Variants in UBE3D observed in about 807,000 individuals in gnomAD.
The protein encoded by UBE3D is ubiquitin protein ligase E3D, also known as E3 ubiquitin-protein ligase E3D.
In UBE3D, 48 loss-of-function variants were observed where a neutral mutation model predicts 49.6. The ratio of observed to expected loss-of-function variants is 0.97; its 90% CI spans 0.77 to 1.23. The LOEUF is 1.23. Ranked by LOEUF, UBE3D falls within the 50% of genes most tolerant of loss-of-function variation. The pLI is 0.00. For synonymous variants in UBE3D, 189 were observed against 174.2 expected, an observed-to-expected ratio of 1.08 and a Z score of -0.67; for missense variants, 452 against 468.4, an observed-to-expected ratio of 0.96 and a Z score of 0.32.
At chr6:82,992,216 CTTTTTTTTTT>C (rs386407755) in intron 8 of UBE3D, among the ~76,000 whole-genome samples, 7 of 96,748 alleles carry the variant, frequency 7.2e-5, no homozygotes, top group East Asian at 3.2e-4. Context: ...ATCTGCATTC[CTTTTTTTTTT>C]TTTTTTTTTT....
At chr6:82,894,673 C>T (rs1429187016) in intron 9 of UBE3D, among the ~76,000 whole-genome samples, 1 of 152,124 alleles carries the variant, frequency 6.6e-6, no homozygotes, top group African/African-American at 2.4e-5. Context: ...TCTCAGCTGA[C>T]AAGAGATATT....
At chr6:82,958,145 G>A (rs1003753253) in intron 8 of UBE3D, among the ~76,000 whole-genome samples, 4 of 152,132 alleles carry the variant, frequency 2.6e-5, no homozygotes, top group African/African-American at 4.8e-5. Flanking sequence ...GAGAAGTAAA[G>A]GGATCTGTCT....
At chr6:83,043,501 T>A (rs1307713013) in intron 4 of UBE3D, among the ~76,000 whole-genome samples, 3 of 152,168 alleles carry the variant, frequency 2.0e-5, no homozygotes, top group Non-Finnish European at 4.4e-5. Context: ...CTTAAATAAC[T>A]TTATCTGACA....
chr6:83,015,890 A>C (rs1562187810), intron 8 of UBE3D, among the ~76,000 whole-genome samples: 2 of 152,178 alleles, frequency 1.3e-5, no homozygotes, highest in African/African-American at 2.4e-5. Flanking sequence ...TACTGGGGGT[A>C]GGGAAGCTGT....
At chr6:82,929,924 A>C (rs975451664) in intron 9 of UBE3D, among the ~76,000 whole-genome samples, 13 of 152,116 alleles carry the variant, frequency 8.5e-5, no homozygotes, top group African/African-American at 3.1e-4. Flanking sequence ...AGTTTACATT[A>C]CTGTTCACTC....
chr6:83,026,443 AAAAAT>A (rs1781465830), intron 5 of UBE3D, among the ~76,000 whole-genome samples: 3 of 152,278 alleles, frequency 2.0e-5, no homozygotes, highest in African/African-American at 4.8e-5. Context: ...CCATCTCTTA[AAAAAT>A]AAAATAAAAT....
At chr6:83,031,956 C>T (rs982960696) in intron 5 of UBE3D, among the ~76,000 whole-genome samples, 1 of 152,166 alleles carries the variant, frequency 6.6e-6, no homozygotes, top group East Asian at 1.9e-4. Flanking sequence ...GAACCTCCAC[C>T]AAGATTTCTG....
intron 9 of UBE3D, chr6:82,932,502 G>A (rs1339268602): frequency 1.3e-5 from 2 of 151,860 alleles, no homozygotes; most frequent in Non-Finnish European, 2.9e-5. Flanking sequence ...TAAACTTTAG[G>A]TTAAATTTAA....
intron 8 of UBE3D, among the ~76,000 whole-genome samples, chr6:82,980,941 T>C (rs1035588333): frequency 6.6e-6 from 1 of 152,116 alleles, no homozygotes; most frequent in African/African-American, 2.4e-5. Flanking sequence ...ACCAGTACCA[T>C]GTTCCCACAG....
At chr6:82,976,514 C>T (rs1235990233) in intron 8 of UBE3D, among the ~76,000 whole-genome samples, 1 of 152,002 alleles carries the variant, frequency 6.6e-6, no homozygotes, top group Non-Finnish European at 1.5e-5. Flanking sequence ...TTCATACTGA[C>T]ATCTCCCAAC....
intron 4 of UBE3D, among the ~76,000 whole-genome samples, chr6:83,039,941 A>T (rs1782538016): frequency 6.6e-6 from 1 of 152,120 alleles, no homozygotes; most frequent in African/African-American, 2.4e-5. Flanking sequence ...CACCAGGCCT[A>T]CTGTGTTTTT....
At chr6:83,048,538 A>G (rs1257996798) in intron 3 of UBE3D, among the ~76,000 whole-genome samples, 1 of 152,172 alleles carries the variant, frequency 6.6e-6, no homozygotes, top group Non-Finnish European at 1.5e-5. Context: ...AGGGAAATAA[A>G]ATTGCACCAA....
At chr6:82,948,952 G>T (rs1775597219) in intron 9 of UBE3D, among the ~76,000 whole-genome samples, 1 of 151,936 alleles carries the variant, frequency 6.6e-6, no homozygotes, top group Non-Finnish European at 1.5e-5. Flanking sequence ...TTTCCTCTAG[G>T]ATCTGAAACA....
chr6:82,914,057 G>A (rs576945585), intron 9 of UBE3D, among the ~76,000 whole-genome samples: 5 of 152,188 alleles, frequency 3.3e-5, no homozygotes, highest in Non-Finnish European at 7.3e-5. Context: ...TACATGACTT[G>A]CTGAAGGCAA....
intron 9 of UBE3D, among the ~76,000 whole-genome samples, chr6:82,935,347 G>A (rs372282932): frequency 1.3e-5 from 2 of 152,060 alleles, no homozygotes; most frequent in East Asian, 1.9e-4. Context: ...ATACACCCCT[G>A]TGACCCAAAC....
intron 9 of UBE3D, among the ~76,000 whole-genome samples, chr6:82,944,783 A>C (rs1775281693): frequency 6.6e-6 from 1 of 152,150 alleles, no homozygotes; most frequent in Non-Finnish European, 1.5e-5. Flanking sequence ...AAGTTGACTG[A>C]AGTGCCCTTG....
intron 8 of UBE3D, among the ~76,000 whole-genome samples, chr6:83,005,842 G>A (rs775593999): frequency 5.0e-4 from 76 of 152,222 alleles, no homozygotes; most frequent in Admixed American, 8.5e-4. Flanking sequence ...ACTACTATGT[G>A]AATAAAACTT....
chr6:82,887,783 C>A (rs1346253182), downstream of UBE3D, among the ~76,000 whole-genome samples: 1 of 151,896 alleles, frequency 6.6e-6, no homozygotes, highest in Non-Finnish European at 1.5e-5. Flanking sequence ...TACTATGGAA[C>A]TTAAAACTAA....
At chr6:83,056,107 A>T (rs2127846119) in intron 2 of UBE3D, among the ~76,000 whole-genome samples, 1 of 152,358 alleles carries the variant, frequency 6.6e-6, no homozygotes, top group South Asian at 2.1e-4. Flanking sequence ...CATAGCAGTC[A>T]ATTTATTTTG....
Sources: gnomAD v4.1 joint callset for allele counts (sites outside exome capture counted in the v4.1 genomes callset) on GRCh38, gnomAD v4.1.1 for gene constraint, MANE v1.5 for transcripts, NCBI Gene and HGNC (gene_info 2026-07-23, HGNC 2026-07-21) for gene names.